Variants in GIT2 observed in about 807,000 individuals in gnomAD.
The protein encoded by GIT2 is GIT ArfGAP 2, also known as ARF GTPase-activating protein GIT2.
In GIT2, 32 loss-of-function variants were observed where a neutral mutation model predicts 100.3. The ratio of observed to expected loss-of-function variants is 0.32; its 90% confidence interval spans 0.24 to 0.43. GIT2 has a LOEUF of 0.43. Among genes scored for constraint, GIT2 ranks in the 20% least tolerant of loss-of-function variants. GIT2 has a pLI of 1.00. For synonymous variants in GIT2, 353 were observed against 364.1 expected, an observed-to-expected ratio of 0.97 and a Z score of 0.35; for missense variants, 737 against 975.1, an observed-to-expected ratio of 0.76 and a Z score of 3.25.
chr12:109,986,151 C>G (rs1887342077), intron 4 of GIT2, among the ~76,000 whole-genome samples: 1 of 152,012 alleles, frequency 6.6e-6, no homozygotes. Context: ...TAAAATTATT[C>G]CAAACAATCA....
rs193282712 is a variant in GIT2 at position 109,941,550 on chromosome 12, G to A, written c.1732-2303C>T. On this transcript the variant is annotated intron_variant, in intron 16 of 19. Transcript: ENST00000355312. ...TTTTCTTTTTTTTTTTTGAGATTGA[G>A]TTTCACTCTTGTTGCCTGTGGAGTG... Among the ~76,000 whole-genome samples the A allele has an allele frequency of 5.3e-5, 8 of 151,228 alleles. 1 individual carries two copies. The highest frequency in any genetic ancestry group is 4.6e-4 in the Admixed American group (7 of 15,182).
rs564318177 is a variant in GIT2 at position 109,958,232 on chromosome 12, C to A, written c.1099+1615G>T. Among the ~76,000 whole-genome samples the A allele has an allele frequency of 2.6e-3, 392 of 151,844 alleles. 4 individuals are homozygous for A. Among genetic ancestry groups the A allele is most frequent in the African/African-American group, 8.8e-3 (365 of 41,406 alleles). On this transcript the variant is annotated intron_variant, in intron 12 of 19. Transcript: ENST00000355312. ...GTGCTGGGATTACAGGTGTGAGCCA[C>A]CGTGCCTGGCCCCCAATTTTTTTTT... is the stretch of plus-strand genomic sequence containing the variant.
Position 109,983,409 on chromosome 12 carries a change from T to A in GIT2, c.587A>T (p.Gln196Leu), listed in dbSNP as rs746551713. 3 of 1,613,934 alleles carry A rather than the reference T, an allele frequency of 1.9e-6. No homozygotes were observed. The highest frequency in any genetic ancestry group is 2.5e-6 in the Non-Finnish European group (3 of 1,179,800). ...LAVYGADPGT[Q>L]DSSGKTPVDY... is the part of the protein sequence containing the mutation. ...AACGGGAGTTTTCCCACTAGAATCC[T>A]GTGTGCCTGGGTCTGCTCCATATAC... The change falls in exon 6 of 20, where the codon CAG becomes CTG. Residue 196 changes from glutamine (Q) to leucine (L), a missense_variant. Gln to Leu is a moderately radical substitution (Grantham distance 113). Coordinates refer to ENST00000355312, the MANE Select transcript of GIT2 (RefSeq NM_057169.5).
At chr12:109,956,335 G>A (rs1879445357) in intron 12 of GIT2, among the ~76,000 whole-genome samples, 1 of 152,106 alleles carries the variant, frequency 6.6e-6, no homozygotes, top group African/African-American at 2.4e-5. Flanking sequence ...GGGCGGTAGG[G>A]GGCCATTTTA....
At chr12:109,981,086 A>G (rs56017297) in intron 6 of GIT2, 40 bp from the exon 7 acceptor site, 1 of 1,284,284 alleles carries the variant, frequency 7.8e-7, no homozygotes, top group East Asian at 2.3e-5. Context: ...ATTGCTCACT[A>G]TTCACTGACT....
chr12:109,994,100 CTG>C (rs904621154), intron 1 of GIT2, among the ~76,000 whole-genome samples: 4 of 133,278 alleles, frequency 3.0e-5, no homozygotes, highest in African/African-American at 8.7e-5. Context: ...AAAAAAAAGA[CTG>C]TTTTGAAGCA....
At chr12:109,970,549 T>C (rs1049800089) in intron 7 of GIT2, among the ~76,000 whole-genome samples, 1 of 152,146 alleles carries the variant, frequency 6.6e-6, no homozygotes, top group Non-Finnish European at 1.5e-5. Flanking sequence ...ACCACTGAAC[T>C]GATTACCTTT....
intron 13 of GIT2, 48 bp from the exon 14 acceptor site, chr12:109,951,364 T>C (rs1877807543): frequency 6.8e-7 from 1 of 1,470,386 alleles, no homozygotes; most frequent in Non-Finnish European, 9.5e-7. Flanking sequence ...GACGAGAACA[T>C]TAAAGACTAA....
At position 109,931,554 on chromosome 12, in the gene GIT2, C is replaced by G. The variant is rs535274595; in HGVS notation, c.*1424G>C. The G allele has an allele frequency of 2.0e-5, 3 of 152,270 alleles. No homozygotes were observed. The highest frequency in any genetic ancestry group is 2.9e-5 in the Non-Finnish European group (2 of 68,048). The allele number at this position is 152,270 out of a possible 1,614,324, so 9.4% of individuals were successfully genotyped here. ...CAAAGCTGTGGCCACCCTAGGCCCA[C>G]TTTTCCACATGGCAACAGGCGTGGA... On this transcript the variant is annotated 3_prime_UTR_variant, in exon 20 of 20. Transcript: ENST00000355312.
At chr12:109,989,424 G>A (rs1477780081) in intron 3 of GIT2, among the ~76,000 whole-genome samples, 1 of 152,154 alleles carries the variant, frequency 6.6e-6, no homozygotes, top group Non-Finnish European at 1.5e-5. Context: ...TCTTATTTGA[G>A]TATAAGTTTA....
At chr12:109,995,929 G>A (rs767351159) in intron 1 of GIT2, among the ~76,000 whole-genome samples, 2 of 152,200 alleles carry the variant, frequency 1.3e-5, no homozygotes, top group African/African-American at 2.4e-5. Flanking sequence ...CTCCCCAGTT[G>A]GCCTAGGACG....
intron 13 of GIT2, 99 bp from the exon 14 acceptor site, chr12:109,951,415 G>A (rs1877817482): frequency 6.1e-6 from 6 of 984,146 alleles, no homozygotes; most frequent in African/African-American, 1.6e-5. Flanking sequence ...CAGCTGAATT[G>A]CAAAGTTAGT....
intron 12 of GIT2, chr12:109,953,894 G>T (rs991191559): frequency 2.0e-5 from 3 of 152,188 alleles, no homozygotes; most frequent in Non-Finnish European, 1.5e-5. Flanking sequence ...TGAAGATAAG[G>T]CTGTAGGTAA....
At chr12:109,975,670 T>C (rs557616337) in intron 7 of GIT2, among the ~76,000 whole-genome samples, 8 of 152,206 alleles carry the variant, frequency 5.3e-5, no homozygotes, top group Non-Finnish European at 1.0e-4. Flanking sequence ...CCCCCTCCTC[T>C]TTTGAATATT....
rs1193673755 is a variant in GIT2 at position 109,951,191 on chromosome 12, G to A, written c.1368C>T (p.Asp456=). The change falls in exon 14 of 20, where the codon GAC becomes GAT. Residue 456 remains aspartate, a synonymous_variant. Transcript: ENST00000355312. ...QLMKVNNNLS[D]ELRIMQKKLQ... The stretch of plus-strand genomic sequence containing the variant: ...CCTTTTTCTGCATAATTCTCAGCTC[G>A]TCACTCAAGTTGTTATTCACCTTCA... 8.7e-6 allele frequency: 14 copies of A among 1,613,506 alleles called. No individual in the cohort carries two copies. The highest frequency in any genetic ancestry group is 2.7e-5 in the African/African-American group (2 of 74,856).
chr12:109,999,724 C>A (rs953761283), upstream of GIT2: 25 of 1,537,666 alleles, frequency 1.6e-5, no homozygotes, highest in East Asian at 5.6e-4. This position sits in a 1 kb window ranked among gnomAD's most constrained non-coding sequence, Gnocchi z 4.3. Context: ...ACCACTACCC[C>A]CTGCACCTCC....
intron 15 of GIT2, among the ~76,000 whole-genome samples, 176 bp from the exon 16 acceptor site, chr12:109,945,525 C>A (rs549805471): frequency 1.3e-5 from 2 of 152,218 alleles, no homozygotes; most frequent in South Asian, 4.2e-4. Flanking sequence ...TGGTGAAACA[C>A]CTCCTGGAAA....
At chr12:109,997,768 T>A (rs1889657108), upstream of GIT2, 1 of 152,262 alleles carries the variant, frequency 6.6e-6, no homozygotes, top group African/African-American at 2.4e-5. Context: ...ATTTTCTAAT[T>A]ACTGTTTTTC....
chr12:109,944,825 TAAAA>T (rs200126475), intron 16 of GIT2, among the ~76,000 whole-genome samples: 1 of 134,196 alleles, frequency 7.5e-6, no homozygotes. Flanking sequence ...TGTCACAGGT[TAAAA>T]AAAAAAAAAA....
Sources: allele counts gnomAD v4.1 joint callset (sites outside exome capture counted in the v4.1 genomes callset), GRCh38; gene constraint gnomAD v4.1.1; non-coding constraint Gnocchi (gnomAD v3.1); transcripts MANE v1.5; gene names NCBI Gene and HGNC (gene_info 2026-07-23, HGNC 2026-07-21).